ASIC5: variants seen among roughly 807,000 people sequenced by gnomAD.
ASIC5 encodes bile acid-sensitive ion channel.
A neutral mutation model predicts 51.2 loss-of-function variants in ASIC5; 52 were observed. The ratio of observed to expected loss-of-function variants is 1.02; its 90% CI spans 0.81 to 1.28. ASIC5 has a LOEUF of 1.28. Ranked by LOEUF, ASIC5 falls within the 50% of genes most tolerant of loss-of-function variation. The pLI is 0.00. For missense variants in ASIC5, 635 were observed against 595.0 expected, an observed-to-expected ratio of 1.07 and a Z score of -0.70; for synonymous variants, 231 against 200.7, an observed-to-expected ratio of 1.15 and a Z score of -1.28.
intron 7 of ASIC5, among the ~76,000 whole-genome samples, chr4:155,837,863 C>A (rs992560218): frequency 2.3e-4 from 35 of 152,086 alleles, no homozygotes; most frequent in Non-Finnish European, 4.0e-4. Flanking sequence ...CACACACACT[C>A]TTCTGACCTC....
chr4:155,835,745 A>C (rs1246978847), intron 8 of ASIC5, among the ~76,000 whole-genome samples: 1 of 152,202 alleles, frequency 6.6e-6, no homozygotes, highest in Non-Finnish European at 1.5e-5. Flanking sequence ...CTGCTGTTTG[A>C]AATCACTCCA....
chr4:155,866,276 A>G lies in ASIC5; in HGVS notation c.-50T>C, dbSNP rs924116636. ...CCTCAGGGTAACCCAATTTTCATCA[A>G]TAACAGTATTCATTTTGTGCCCTTT... On this transcript the variant is annotated 5_prime_UTR_variant, in exon 1 of 10. Transcript: ENST00000537611. 5 of 1,343,886 alleles carry G rather than the reference A, an allele frequency of 3.7e-6. No individual in the cohort carries two copies. The highest frequency in any genetic ancestry group is 1.4e-5 in the African/African-American group (1 of 69,208). The allele number at this position is 1,343,886 out of a possible 1,614,324, so 83.2% of individuals were successfully genotyped here.
chr4:155,834,170 CCA>C (rs1482940980), intron 8 of ASIC5, among the ~76,000 whole-genome samples: 2 of 152,144 alleles, frequency 1.3e-5, no homozygotes, highest in African/African-American at 4.8e-5. Context: ...AGGGTAAACT[CCA>C]CACTGCCTGC....
At chr4:155,853,119 G>T (rs1004956226) in intron 3 of ASIC5, among the ~76,000 whole-genome samples, 13 of 152,024 alleles carry the variant, frequency 8.6e-5, no homozygotes, top group South Asian at 2.1e-4. Flanking sequence ...AACAGAAATG[G>T]GTTTCTGTAA....
At chr4:155,845,887 G>A (rs576543572) in intron 4 of ASIC5, among the ~76,000 whole-genome samples, 1 of 151,924 alleles carries the variant, frequency 6.6e-6, no homozygotes, top group Non-Finnish European at 1.5e-5. Context: ...ACTGCCTAGG[G>A]TTGTAAAACA....
intron 2 of ASIC5, among the ~76,000 whole-genome samples, chr4:155,856,794 A>G (rs1228791074): frequency 2.0e-5 from 3 of 152,070 alleles, no homozygotes; most frequent in African/African-American, 2.4e-5. Flanking sequence ...CCAAAACCCT[A>G]CAACTGTGAA....
At chr4:155,862,237 G>GAAATAAAATGTAGATA (rs1741726749) in intron 2 of ASIC5, among the ~76,000 whole-genome samples, 1 of 152,014 alleles carries the variant, frequency 6.6e-6, no homozygotes, top group African/African-American at 2.4e-5. Flanking sequence ...TGTTTCGACT[G>GAAATAAAATGTAGATA]TTAGGACCCT....
intron 7 of ASIC5, among the ~76,000 whole-genome samples, chr4:155,837,120 ATCTGGGTC>A (rs1741001097): frequency 5.7e-5 from 1 of 17,564 alleles, no homozygotes; most frequent in Non-Finnish European, 1.5e-4. Flanking sequence ...TTCAGGAAGT[ATCTGGGTC>A]TATTTCTGTA....
chr4:155,838,275 G>T (rs946751662), intron 7 of ASIC5, among the ~76,000 whole-genome samples: 3 of 152,056 alleles, frequency 2.0e-5, no homozygotes, highest in African/African-American at 7.2e-5. Context: ...AAGTGTTAGC[G>T]ATTATTGCAG....
chr4:155,836,770 G>T lies in ASIC5; in HGVS notation c.1154C>A (p.Thr385Asn). ...VSCEEIEYPA[T>N]ISYSSFPSQK... The stretch of plus-strand genomic sequence containing the variant: ...ACTTGGAAAAGAGGAATAAGAAATA[G>T]TGGCCGGGTATTCTATTTCTTCACA... Residue 385 changes from threonine to asparagine, a missense_variant, in exon 8 of 10, where the codon ACT (threonine) becomes AAT (asparagine). Physicochemically the swap from Thr to Asn is moderately conservative, Grantham distance 65 (BLOSUM62 0). Coordinates refer to ENST00000537611, the MANE Select transcript of ASIC5 (RefSeq NM_017419.3). 1 of 1,607,574 alleles carries T rather than the reference G, an allele frequency of 6.2e-7. No individual in the cohort carries two copies. The highest frequency in any genetic ancestry group is 1.7e-5 in the Admixed American group (1 of 59,986).
intron 7 of ASIC5, among the ~76,000 whole-genome samples, chr4:155,838,275 G>A (rs946751662): frequency 1.8e-4 from 28 of 152,056 alleles, no homozygotes; most frequent in Non-Finnish European, 1.9e-4. Flanking sequence ...AAGTGTTAGC[G>A]ATTATTGCAG....
intron 7 of ASIC5, among the ~76,000 whole-genome samples, chr4:155,837,793 TCA>T (rs996919656): frequency 3.3e-5 from 5 of 151,766 alleles, no homozygotes; most frequent in Non-Finnish European, 5.9e-5. Context: ...GCACATACTC[TCA>T]CACACACACT....
intron 2 of ASIC5, chr4:155,854,695 C>T (rs1741482763): frequency 4.9e-6 from 1 of 203,300 alleles, no homozygotes; most frequent in Non-Finnish European, 9.9e-6. Flanking sequence ...TCCCAGCATT[C>T]CCATCCTTGT....
At chr4:155,852,857 G>A (rs899209863) in intron 3 of ASIC5, among the ~76,000 whole-genome samples, 1 of 151,948 alleles carries the variant, frequency 6.6e-6, no homozygotes, top group African/African-American at 2.4e-5. Flanking sequence ...AGAGTCTTTG[G>A]TGAGATTATT....
At chr4:155,831,763 G>A in intron 9 of ASIC5, 61 bp downstream of exon 9, 1 of 1,137,618 alleles carries the variant, frequency 8.8e-7, no homozygotes, top group Non-Finnish European at 1.3e-6. Flanking sequence ...TACAGAGCGA[G>A]ATTCTGTCTC....
chr4:155,843,853 C>G (rs538773544), intron 4 of ASIC5, 23 bp from the exon 5 acceptor site: 1 of 1,612,098 alleles, frequency 6.2e-7, no homozygotes, highest in African/African-American at 1.3e-5. Flanking sequence ...TATGTTTTTG[C>G]CCAAATTGCA....
At chr4:155,831,520 C>G (rs1740868860) in intron 9 of ASIC5, among the ~76,000 whole-genome samples, 1 of 152,046 alleles carries the variant, frequency 6.6e-6, no homozygotes, top group Non-Finnish European at 1.5e-5. Context: ...GCCTGTAATC[C>G]CAGCACCTCA....
intron 2 of ASIC5, chr4:155,855,168 A>G (rs1741500371): frequency 6.6e-6 from 1 of 151,944 alleles, no homozygotes; most frequent in Non-Finnish European, 1.5e-5. Context: ...TGTTACAGCC[A>G]CTTGATGGTA....
At chr4:155,849,972 G>A (rs1367328425) in intron 4 of ASIC5, among the ~76,000 whole-genome samples, 1 of 151,494 alleles carries the variant, frequency 6.6e-6, no homozygotes, top group African/African-American at 2.4e-5. Flanking sequence ...TCTCTTCATA[G>A]AACATGAGAC....
Sources: gnomAD v4.1 joint callset for allele counts (sites outside exome capture counted in the v4.1 genomes callset) on GRCh38, gnomAD v4.1.1 for gene constraint, MANE v1.5 for transcripts, NCBI Gene and HGNC (gene_info 2026-07-23, HGNC 2026-07-21) for gene names.